FZR1: variants seen among roughly 807,000 people sequenced by gnomAD.
FZR1 encodes the protein fizzy and cell division cycle 20 related 1.
In FZR1, 11 loss-of-function variants were observed where a neutral mutation model predicts 63.6. The observed-to-expected ratio is 0.17, with a 90% CI of 0.11 to 0.29. The LOEUF (loss-of-function observed/expected upper bound fraction) is 0.29. Ranked by LOEUF, FZR1 falls within the 10% of genes least tolerant of loss-of-function variation. The pLI is 1.00. For synonymous variants in FZR1, 328 were observed against 297.9 expected, an observed-to-expected ratio of 1.10 and a Z score of -1.04; for missense variants, 440 against 687.5, an observed-to-expected ratio of 0.64 and a Z score of 4.03.
intron 6 of FZR1, 96 bp downstream of exon 6, chr19:3,527,158 G>A (rs2083168686): frequency 1.0e-6 from 1 of 982,562 alleles, no homozygotes. Context: ...TGTCCCTGCG[G>A]GTCCTGGTGG....
intron 1 of FZR1, among the ~76,000 whole-genome samples, chr19:3,521,742 C>T (rs1228212346): frequency 1.3e-5 from 2 of 152,188 alleles, no homozygotes; most frequent in Non-Finnish European, 2.9e-5. Context: ...CCTCGTGATC[C>T]ACCCGCCTCG....
rs1014006698 is a variant in FZR1, at chr19:3,526,644, A to G, written c.387+258A>G. ...TGTTGGGCTTTTTCTCCCCACACCA[A>G]TGCTACCTGGGGTCCCGAACACCCA... On this transcript the variant is annotated intron_variant, in intron 5 of 13. Transcript: ENST00000441788. The surrounding 1 kb of genome is among the most constrained non-coding windows in gnomAD (Gnocchi z 5.4). Among the ~76,000 whole-genome samples the G allele has an allele frequency of 3.3e-5, 5 of 151,288 alleles. No homozygotes were observed. Among genetic ancestry groups the G allele is most frequent in the African/African-American group, 4.9e-5 (2 of 40,610 alleles).
At position 3,525,808 on chromosome 19, in the gene FZR1, TG is replaced by T; in HGVS notation, c.70-55del. ...GGCCAGAGGCTGAGAGAGGCTGGCC[TG>T]GGGGCACTCTCGGGGGGCTCTCGGT... On this transcript the variant is annotated intron_variant, in intron 2 of 13. Transcript: ENST00000441788. The surrounding 1 kb of genome is among the most constrained non-coding windows in gnomAD (Gnocchi z 4.2). 1.3e-6 allele frequency: 2 copies of T among 1,582,146 alleles called. No homozygotes were observed. Among genetic ancestry groups the T allele is most frequent in the Non-Finnish European group, 8.6e-7 (1 of 1,166,552 alleles).
In FZR1 at chr19:3,523,077, C is replaced by G; in HGVS notation, c.69+19C>G. The G allele has an allele frequency of 6.6e-7, 1 of 1,509,734 alleles. No homozygotes were observed. The highest frequency in any genetic ancestry group is 1.1e-5 in the South Asian group (1 of 89,050). The allele number at this position is 1,509,734 out of a possible 1,614,324, so 93.5% of individuals were successfully genotyped here. ...GCCACGCGTGAGTGCCCCCGCCCTG[C>G]CCACCACTGTGGCTCCCCCTCCCCC... is the stretch of plus-strand genomic sequence containing the variant. On this transcript the variant is annotated intron_variant, in intron 2 of 13. Transcript: ENST00000441788.
At position 3,533,123 on chromosome 19, in the gene FZR1, C is replaced by G. The variant is rs2083264664; in HGVS notation, c.1243-171C>G. On this transcript the variant is annotated intron_variant, in intron 11 of 13. Coordinates refer to ENST00000441788, the MANE Select transcript of FZR1 (RefSeq NM_016263.4). This position sits in a 1 kb window ranked among gnomAD's most constrained non-coding sequence, Gnocchi z 4.9. ...AGGGGTCCACCTGTGGCCTCCACAC[C>G]TCCTAGACAGACTCAGGTGGCAGAG... 6.6e-6 allele frequency among the ~76,000 whole-genome samples: 1 copy of G among 152,102 alleles called. No individual in the cohort carries two copies. The highest frequency in any genetic ancestry group is 6.5e-5 in the Admixed American group (1 of 15,278).
chr19:3,533,097 G>GT lies in FZR1; in HGVS notation c.1243-197_1243-196insT, dbSNP rs1490080551. On this transcript the variant is annotated intron_variant, in intron 11 of 13. Coordinates refer to ENST00000441788, the MANE Select transcript of FZR1 (RefSeq NM_016263.4). This position sits in a 1 kb window ranked among gnomAD's most constrained non-coding sequence, Gnocchi z 4.9. The stretch of plus-strand genomic sequence containing the variant: ...GGGCTCCAGCCTTTGGCGGTGGGTG[G>GT]AGGGGTCCACCTGTGGCCTCCACAC... 1.3e-5 allele frequency among the ~76,000 whole-genome samples: 2 copies of GT among 152,096 alleles called. No homozygotes were observed. Among genetic ancestry groups the GT allele is most frequent in the Non-Finnish European group, 2.9e-5 (2 of 68,010 alleles).
At chr19:3,530,420 G>GCGCATGGGAGAT (rs1568238962) in intron 7 of FZR1, among the ~76,000 whole-genome samples, 21 of 79,972 alleles carry the variant, frequency 2.6e-4, no homozygotes, top group African/African-American at 6.8e-4. Flanking sequence ...GCATGGGAGA[G>GCGCATGGGAGAT]CGCATGGGAG....
intron 1 of FZR1, among the ~76,000 whole-genome samples, chr19:3,517,613 G>C (rs960430207): frequency 6.6e-6 from 1 of 151,524 alleles, no homozygotes; most frequent in Non-Finnish European, 1.5e-5. Context: ...GCTTGAACCC[G>C]GGAGGCAGAG....
chr19:3,526,503 T>C lies in FZR1; in HGVS notation c.387+117T>C. 1.3e-6 allele frequency: 1 copy of C among 756,680 alleles called. No individual in the cohort carries two copies. Among genetic ancestry groups the C allele is most frequent in the South Asian group, 1.7e-5 (1 of 59,562 alleles). 46.9% of individuals were successfully genotyped at this position (756,680 alleles called of 1,614,324 possible). A position where few individuals can be genotyped will look rare whatever the true frequency, so the allele number is the denominator to read the frequency against. On this transcript the variant is annotated intron_variant, in intron 5 of 13. Coordinates refer to ENST00000441788, the MANE Select transcript of FZR1 (RefSeq NM_016263.4). This position sits in a 1 kb window ranked among gnomAD's most constrained non-coding sequence, Gnocchi z 5.4. ...CCCGGTTCTCGGGCCCAGCCACGGC[T>C]CAGCACCCCCGCCCTGACCCTGTTC...
intron 1 of FZR1, among the ~76,000 whole-genome samples, chr19:3,519,428 AG>A (rs2083082620): frequency 6.6e-6 from 1 of 152,184 alleles, no homozygotes; most frequent in African/African-American, 2.4e-5. Flanking sequence ...ATCTACCCCA[AG>A]GAGGGCGGAG....
Position 3,526,874 on chromosome 19 carries a change from A to G in FZR1, c.388-106A>G, listed in dbSNP as rs955143602. 5.1e-6 allele frequency: 4 copies of G among 790,428 alleles called. No individual in the cohort carries two copies. The highest frequency in any genetic ancestry group is 8.6e-6 in the Non-Finnish European group (4 of 466,794). The allele number at this position is 790,428 out of a possible 1,614,324, so 49.0% of individuals were successfully genotyped here. A position where few individuals can be genotyped will look rare whatever the true frequency, so the allele number is the denominator to read the frequency against. Reference sequence around the variant, plus strand: ...CAGCTGCTCCACACAGGGTCTCAGCACCTGCCTTAGGGCTATGAGCTGTAC... The same window carrying G: ...CAGCTGCTCCACACAGGGTCTCAGCGCCTGCCTTAGGGCTATGAGCTGTAC... On this transcript the variant is annotated intron_variant, in intron 5 of 13. Transcript: ENST00000441788. The surrounding 1 kb of genome is among the most constrained non-coding windows in gnomAD (Gnocchi z 5.4).
intron 7 of FZR1, among the ~76,000 whole-genome samples, chr19:3,528,397 A>G (rs1336618317): frequency 6.6e-6 from 1 of 152,178 alleles, no homozygotes; most frequent in Non-Finnish European, 1.5e-5. Flanking sequence ...TCCCGCTGGC[A>G]GTGTCCCACA....
In FZR1 at chr19:3,522,975, G is replaced by A. The variant is rs201764746; in HGVS notation, c.-15G>A. ...CTGCAGGCTAACCTTGCCGCGGGCC[G>A]AGCCCTGCCTCGCCATGGACCAGGA... On this transcript the variant is annotated 5_prime_UTR_variant, in exon 2 of 14. Coordinates refer to ENST00000441788, the MANE Select transcript of FZR1 (RefSeq NM_016263.4). 1.1e-5 allele frequency: 18 copies of A among 1,602,572 alleles called. No individual in the cohort carries two copies. The highest frequency in any genetic ancestry group is 3.3e-5 in the Admixed American group (2 of 60,006).
At position 3,520,962 on chromosome 19, in the gene FZR1, C is replaced by T. The variant is rs1056576225; in HGVS notation, c.-34-1994C>T. Among the ~76,000 whole-genome samples, 4 of 152,232 alleles carry T rather than the reference C, an allele frequency of 2.6e-5. No individual in the cohort carries two copies. The East Asian group carries it at 5.8e-4, about 22-fold the overall frequency. On this transcript the variant is annotated intron_variant, in intron 1 of 13. Transcript: ENST00000441788. The stretch of plus-strand genomic sequence containing the variant: ...GTGAGTCAGCCTCCTCCAGGGCCCT[C>T]CCAGGTCTTTTGTGTCTGGTGTCTC...
intron 10 of FZR1, 87 bp downstream of exon 10, chr19:3,532,182 G>A: frequency 8.0e-7 from 1 of 1,256,340 alleles, no homozygotes; most frequent in Non-Finnish European, 1.1e-6. Context: ...GGCTGGGGCG[G>A]GCGCGGGCGC....
At position 3,525,772 on chromosome 19, in the gene FZR1, C is replaced by T. The variant is rs1415013457; in HGVS notation, c.70-96C>T. On this transcript the variant is annotated intron_variant, in intron 2 of 13. Coordinates refer to ENST00000441788, the MANE Select transcript of FZR1 (RefSeq NM_016263.4). The surrounding 1 kb of genome is among the most constrained non-coding windows in gnomAD (Gnocchi z 4.2). ...CTTGGGTTTTCAAGATCAAAGCCCCCTTTGCTCAGTGGCCAGAGGCTGAGA... is the reference window on the plus strand; with the variant it reads ...CTTGGGTTTTCAAGATCAAAGCCCCTTTTGCTCAGTGGCCAGAGGCTGAGA... The T allele has an allele frequency of 4.8e-6, 7 of 1,461,862 alleles. No homozygotes were observed. The highest frequency in any genetic ancestry group is 2.8e-5 in the African/African-American group (2 of 71,584). The allele number at this position is 1,461,862 out of a possible 1,614,324, so 90.6% of individuals were successfully genotyped here. A position where few individuals can be genotyped will look rare whatever the true frequency, so the allele number is the denominator to read the frequency against.
Position 3,512,461 on chromosome 19 carries a change from G to A in FZR1, c.-35+5987G>A, listed in dbSNP as rs1444302518. Among the ~76,000 whole-genome samples the A allele has an allele frequency of 2.0e-5, 3 of 152,352 alleles. No homozygotes were observed. The East Asian group carries it at 5.8e-4, about 29-fold the overall frequency. On this transcript the variant is annotated intron_variant, in intron 1 of 13. Coordinates refer to ENST00000441788, the MANE Select transcript of FZR1 (RefSeq NM_016263.4). The stretch of plus-strand genomic sequence containing the variant: ...AAGCTGCCCAAAGCTTCGTGGCCAG[G>A]AAGGGTTGAAGCTGGGACTCAGCCT...
At chr19:3,524,396 G>A (rs1407455671) in intron 2 of FZR1, among the ~76,000 whole-genome samples, 10 of 152,214 alleles carry the variant, frequency 6.6e-5, no homozygotes, top group Admixed American at 2.0e-4. Flanking sequence ...CCACATACCC[G>A]TCCTGCCCCG....
intron 1 of FZR1, among the ~76,000 whole-genome samples, chr19:3,518,538 C>T (rs1302552602): frequency 6.6e-6 from 1 of 152,100 alleles, no homozygotes; most frequent in Non-Finnish European, 1.5e-5. Flanking sequence ...GCATGGAATA[C>T]AGTCCTGGAG....
Sources: gnomAD v4.1 joint callset for allele counts (sites outside exome capture counted in the v4.1 genomes callset) on GRCh38, gnomAD v4.1.1 for gene constraint, Gnocchi (gnomAD v3.1) non-coding constraint, MANE v1.5 for transcripts, NCBI Gene and HGNC (gene_info 2026-07-23, HGNC 2026-07-21) for gene names.